The following CNTNAP2 variants were observed in gnomAD, a reference collection of about 807,000 sequenced individuals.
CNTNAP2 encodes the protein contactin associated protein 2, also known as contactin-associated protein-like 2.
CNTNAP2 carries 98 observed loss-of-function variants against 155.2 expected under a neutral mutation model. The ratio of observed to expected loss-of-function variants is 0.63; its 90% CI spans 0.54 to 0.75. The LOEUF (loss-of-function observed/expected upper bound fraction) is 0.75, where lower values mean the gene tolerates loss of function less well. Among genes scored for constraint, CNTNAP2 ranks in the 30% least tolerant of loss-of-function variants. The pLI is 0.00. For synonymous variants in CNTNAP2, 651 were observed against 631.2 expected (o/e 1.03, Z -0.47); for missense variants, 1,727 against 1,688.1 (o/e 1.02, Z -0.40).
At chr7:147,903,260 C>T (rs370780391) in intron 13 of CNTNAP2, among the ~76,000 whole-genome samples, 57 of 152,178 alleles carry the variant, frequency 3.7e-4, no homozygotes, top group Middle Eastern at 3.4e-3. Flanking sequence ...GTTTGTTGGC[C>T]TTTTGTATAT....
At chr7:146,284,592 G>C (rs1800298677) in intron 1 of CNTNAP2, among the ~76,000 whole-genome samples, 1 of 152,042 alleles carries the variant, frequency 6.6e-6, no homozygotes, top group African/African-American at 2.4e-5. Flanking sequence ...ACTGAATTTG[G>C]TTAATTGTCA....
chr7:147,955,962 A>C (rs1458608974), intron 14 of CNTNAP2, among the ~76,000 whole-genome samples: 1 of 152,084 alleles, frequency 6.6e-6, no homozygotes, highest in African/African-American at 2.4e-5. Flanking sequence ...ATAGTGAAAA[A>C]TTTTCCCCCA....
At chr7:148,042,317 A>G (rs1038345943) in intron 15 of CNTNAP2, among the ~76,000 whole-genome samples, 1 of 152,182 alleles carries the variant, frequency 6.6e-6, no homozygotes, top group African/African-American at 2.4e-5. Flanking sequence ...CAAAGTACTC[A>G]TATGTATCAA....
intron 8 of CNTNAP2, 132 bp downstream of exon 8, chr7:147,132,641 C>A: frequency 8.0e-7 from 1 of 1,250,032 alleles, no homozygotes; most frequent in Non-Finnish European, 1.1e-6. Context: ...AAGACGCTTA[C>A]TTGGTTGTAG....
chr7:147,526,102 G>A (rs182079812), intron 11 of CNTNAP2, among the ~76,000 whole-genome samples: 165 of 151,080 alleles, frequency 1.1e-3, no homozygotes, highest in African/African-American at 3.8e-3. Flanking sequence ...TGAGGCAGGA[G>A]CATTGCTTGA....
At chr7:148,296,243 T>C (rs888732852) in intron 21 of CNTNAP2, among the ~76,000 whole-genome samples, 1 of 151,960 alleles carries the variant, frequency 6.6e-6, no homozygotes, top group African/African-American at 2.4e-5. Context: ...CCACTGCAGT[T>C]CAAAATTATC....
intron 13 of CNTNAP2, among the ~76,000 whole-genome samples, chr7:147,758,376 C>T (rs1277698140): frequency 1.3e-5 from 2 of 152,160 alleles, no homozygotes; most frequent in Non-Finnish European, 2.9e-5. Flanking sequence ...TCATGCCAGG[C>T]AATGAGAGGA....
At chr7:147,402,643 C>T (rs1008973757) in intron 10 of CNTNAP2, among the ~76,000 whole-genome samples, 1 of 152,166 alleles carries the variant, frequency 6.6e-6, no homozygotes, top group African/African-American at 2.4e-5. Context: ...CCTATAGGGA[C>T]ACACAGTGAT....
At chr7:147,256,573 G>C (rs967651384) in intron 8 of CNTNAP2, among the ~76,000 whole-genome samples, 1 of 152,114 alleles carries the variant, frequency 6.6e-6, no homozygotes, top group Non-Finnish European at 1.5e-5. Context: ...TGGTATTAAA[G>C]AGAATAAAGA....
At chr7:147,295,358 A>G (rs1444622646) in intron 8 of CNTNAP2, among the ~76,000 whole-genome samples, 2 of 152,070 alleles carry the variant, frequency 1.3e-5, no homozygotes, top group East Asian at 3.9e-4. Context: ...TATATAAATA[A>G]TGTATTTTGT....
chr7:147,420,573 T>A (rs1285364905), intron 10 of CNTNAP2, among the ~76,000 whole-genome samples: 7 of 152,192 alleles, frequency 4.6e-5, no homozygotes, highest in Non-Finnish European at 1.0e-4. Context: ...TTTCATTCTG[T>A]CACTTTCTGC....
At chr7:146,794,518 C>A (rs994692726) in intron 2 of CNTNAP2, among the ~76,000 whole-genome samples, 1 of 152,074 alleles carries the variant, frequency 6.6e-6, no homozygotes, top group African/African-American at 2.4e-5. Flanking sequence ...TAAAGGATAT[C>A]AGTTGTGAAT....
chr7:146,259,204 T>C, intron 1 of CNTNAP2, among the ~76,000 whole-genome samples: 1 of 152,252 alleles, frequency 6.6e-6, no homozygotes, highest in East Asian at 1.9e-4. Flanking sequence ...CAATTAGACC[T>C]CTTTCCTTTA....
In CNTNAP2 at chr7:146,940,998, C is replaced by T. The variant is rs952642404; in HGVS notation, c.402+101094C>T. 2.6e-5 allele frequency among the ~76,000 whole-genome samples: 4 copies of T among 151,916 alleles called. No individual in the cohort carries two copies. In the South Asian group the frequency reaches 6.2e-4, roughly 24 times the overall value. On this transcript the variant is annotated intron_variant, in intron 3 of 23. Coordinates refer to ENST00000361727, the MANE Select transcript of CNTNAP2 (RefSeq NM_014141.6). The stretch of plus-strand genomic sequence containing the variant: ...CTATTCTTGCTCTTTTTTAAAGTTT[C>T]TATTTGCATGAGACATCTTTTTCCA...
At chr7:146,691,577 C>T (rs1338837251) in intron 1 of CNTNAP2, among the ~76,000 whole-genome samples, 1 of 152,130 alleles carries the variant, frequency 6.6e-6, no homozygotes, top group Non-Finnish European at 1.5e-5. Context: ...TGCTTTTGCA[C>T]CATCATAAAG....
chr7:147,534,663 G>A (rs982029493), intron 11 of CNTNAP2, among the ~76,000 whole-genome samples: 1 of 152,134 alleles, frequency 6.6e-6, no homozygotes, highest in Non-Finnish European at 1.5e-5. Context: ...GACTTTTAAA[G>A]TTTAAAGTGG....
At chr7:148,152,363 G>C (rs1433520814) in intron 17 of CNTNAP2, among the ~76,000 whole-genome samples, 1 of 151,976 alleles carries the variant, frequency 6.6e-6, no homozygotes, top group African/African-American at 2.4e-5. Flanking sequence ...GTCCTCATGT[G>C]CTGAGTCTGC....
chr7:147,381,676 G>C (rs1252548477), intron 9 of CNTNAP2, among the ~76,000 whole-genome samples: 1 of 152,028 alleles, frequency 6.6e-6, no homozygotes, highest in Non-Finnish European at 1.5e-5. Flanking sequence ...TTTGCAAATT[G>C]CTAAGTATCC....
intron 13 of CNTNAP2, among the ~76,000 whole-genome samples, chr7:147,833,978 A>C (rs1011799060): frequency 6.6e-6 from 1 of 152,234 alleles, no homozygotes; most frequent in Admixed American, 6.5e-5. Flanking sequence ...TTCAGAAGTC[A>C]TGGAGAGGAA....
Sources: gnomAD v4.1 joint callset for allele counts (sites outside exome capture counted in the v4.1 genomes callset) on GRCh38, gnomAD v4.1.1 for gene constraint, MANE v1.5 for transcripts, NCBI Gene and HGNC (gene_info 2026-07-23, HGNC 2026-07-21) for gene names.